DNAH9: variants seen among roughly 807,000 people sequenced by gnomAD.
The protein encoded by DNAH9 is DNAH9 variant protein.
DNAH9 carries 345 observed loss-of-function variants against 471.6 expected under a neutral mutation model. The ratio of observed to expected loss-of-function variants is 0.73; its 90% CI spans 0.67 to 0.80. DNAH9 has a LOEUF of 0.80. DNAH9 is among the 30% of genes least tolerant of loss of function. The probability of loss-of-function intolerance (pLI) is 0.00; values close to 1 mark genes in which losing one functional copy is unlikely to be tolerated. For missense variants in DNAH9, 5,407 were observed against 5,609.2 expected, an observed-to-expected ratio of 0.96 and a Z score of 1.15; for synonymous variants, 2,093 against 2,123.6, an observed-to-expected ratio of 0.99 and a Z score of 0.40.
At chr17:11,612,239 T>C in intron 4 of DNAH9, 1 of 277,122 alleles carries the variant, frequency 3.6e-6, no homozygotes, top group Non-Finnish European at 7.0e-6. Context: ...CCATCTGTCC[T>C]AATCAAGGAC....
intron 28 of DNAH9, among the ~76,000 whole-genome samples, chr17:11,730,758 A>AGTG (rs1273386062): frequency 1.9e-5 from 1 of 51,662 alleles, no homozygotes. Flanking sequence ...TGGTGATGTT[A>AGTG]GTGATGATGA....
chr17:11,912,401 A>G (rs2151020432), intron 61 of DNAH9, among the ~76,000 whole-genome samples: 1 of 152,332 alleles, frequency 6.6e-6, no homozygotes, highest in Admixed American at 6.5e-5. Context: ...CTAAGGGGAA[A>G]AAAATCAGTC....
chr17:11,828,030 C>T (rs1418886563), intron 48 of DNAH9, among the ~76,000 whole-genome samples: 1 of 152,184 alleles, frequency 6.6e-6, no homozygotes, highest in Admixed American at 6.5e-5. Flanking sequence ...CAGAATCCCA[C>T]CACATCTCAC....
intron 49 of DNAH9, among the ~76,000 whole-genome samples, chr17:11,849,072 G>T (rs887059703): frequency 6.6e-6 from 1 of 152,090 alleles, no homozygotes; most frequent in Non-Finnish European, 1.5e-5. Context: ...TCCTGACCTC[G>T]TGATCCACCT....
At chr17:11,603,458 A>G (rs2072428793) in intron 1 of DNAH9, among the ~76,000 whole-genome samples, 1 of 152,172 alleles carries the variant, frequency 6.6e-6, no homozygotes, top group South Asian at 2.1e-4. Flanking sequence ...CTCTCCTTGT[A>G]TCTTCTGCCA....
chr17:11,683,359 A>T (rs1005835755), intron 19 of DNAH9, among the ~76,000 whole-genome samples: 15 of 152,104 alleles, frequency 9.9e-5, no homozygotes, highest in African/African-American at 3.4e-4. Flanking sequence ...TTTTTAGTAG[A>T]GGCAGGGTTT....
At chr17:11,850,113 A>G (rs1415911787) in intron 49 of DNAH9, among the ~76,000 whole-genome samples, 2 of 152,194 alleles carry the variant, frequency 1.3e-5, no homozygotes, top group African/African-American at 4.8e-5. Context: ...TGTGGGGAAA[A>G]AAGAAAAATG....
intron 67 of DNAH9, among the ~76,000 whole-genome samples, chr17:11,954,732 T>C (rs1975549866): frequency 6.9e-6 from 1 of 144,142 alleles, no homozygotes; most frequent in Non-Finnish European, 1.5e-5. Flanking sequence ...ATCACACCAC[T>C]GCACTCCAGC....
intron 38 of DNAH9, among the ~76,000 whole-genome samples, chr17:11,772,193 T>C (rs1968233896): frequency 6.6e-6 from 1 of 151,126 alleles, no homozygotes; most frequent in Non-Finnish European, 1.5e-5. Context: ...ATTTTCTATT[T>C]AAATGATTTT....
intron 26 of DNAH9, among the ~76,000 whole-genome samples, chr17:11,709,847 A>G (rs906202876): frequency 6.6e-6 from 1 of 152,100 alleles, no homozygotes; most frequent in African/African-American, 2.4e-5. Flanking sequence ...GTTTTAATCA[A>G]CTGCTTATCA....
At chr17:11,642,417 CG>C (rs927559935) in intron 10 of DNAH9, among the ~76,000 whole-genome samples, 2 of 141,922 alleles carry the variant, frequency 1.4e-5, no homozygotes, top group African/African-American at 5.1e-5. Context: ...GGGCAGGGGG[CG>C]GGGGGCGCCT....
chr17:11,909,704 G>T (rs905667615), intron 61 of DNAH9, among the ~76,000 whole-genome samples: 1 of 152,028 alleles, frequency 6.6e-6, no homozygotes, highest in Non-Finnish European at 1.5e-5. Flanking sequence ...ACACGCTGCT[G>T]CCCACCAAGA....
intron 36 of DNAH9, among the ~76,000 whole-genome samples, chr17:11,766,917 T>G (rs1967965002): frequency 1.3e-5 from 2 of 149,726 alleles, no homozygotes; most frequent in Admixed American, 1.3e-4. Flanking sequence ...TGCCGTGAGC[T>G]GAGATCGCGC....
chr17:11,620,969 C>T (rs1749659049), intron 6 of DNAH9, among the ~76,000 whole-genome samples: 1 of 152,130 alleles, frequency 6.6e-6, no homozygotes, highest in Admixed American at 6.5e-5. Flanking sequence ...TGGATTGTTT[C>T]AATTCTCAAA....
chr17:11,602,152 T>G (rs184265932), intron 1 of DNAH9, among the ~76,000 whole-genome samples: 1 of 152,224 alleles, frequency 6.6e-6, no homozygotes, highest in African/African-American at 2.4e-5. Flanking sequence ...GAGCATAAGA[T>G]TTGGAATCTC....
At chr17:11,652,660 T>C (rs1048394781) in intron 13 of DNAH9, 101 bp from the exon 14 acceptor site, 28 of 1,126,672 alleles carry the variant, frequency 2.5e-5, no homozygotes, top group Admixed American at 1.5e-4. Flanking sequence ...AAAAGTCTTA[T>C]AACACTCGCA....
chr17:11,677,614 G>A (rs770000037), intron 17 of DNAH9, among the ~76,000 whole-genome samples: 9 of 152,048 alleles, frequency 5.9e-5, no homozygotes, highest in Non-Finnish European at 1.0e-4. Context: ...TAACTGGAGG[G>A]TTTTGTTCAT....
intron 4 of DNAH9, chr17:11,612,758 A>G (rs1368444532): frequency 1.3e-5 from 2 of 152,164 alleles, no homozygotes; most frequent in African/African-American, 2.4e-5. Context: ...CTTCAGTACC[A>G]TAGGTCAAAA....
chr17:11,696,482 G>C (rs1183860036), intron 22 of DNAH9, among the ~76,000 whole-genome samples: 2 of 152,096 alleles, frequency 1.3e-5, no homozygotes, highest in African/African-American at 2.4e-5. Flanking sequence ...GAGATTCCCG[G>C]CTCAAAGGGT....
Sources: gnomAD v4.1 joint callset for allele counts (sites outside exome capture counted in the v4.1 genomes callset) on GRCh38, gnomAD v4.1.1 for gene constraint, MANE v1.5 for transcripts, NCBI Gene and HGNC (gene_info 2026-07-23, HGNC 2026-07-21) for gene names.